The following RBFOX3 variants were observed in gnomAD, a reference collection of about 807,000 sequenced individuals.
RBFOX3 encodes the protein RNA binding protein fox-1 homolog 3.
RBFOX3 carries 17 observed loss-of-function variants against 48.7 expected under a neutral mutation model. The observed-to-expected ratio is 0.35, with a 90% CI of 0.24 to 0.52. RBFOX3 has a LOEUF of 0.52. RBFOX3 is among the 20% of genes least tolerant of loss of function. The pLI, the probability that RBFOX3 is intolerant of heterozygous loss-of-function variation, is 0.94. For missense variants in RBFOX3, 382 were observed against 497.5 expected, an observed-to-expected ratio of 0.77 and a Z score of 2.21; for synonymous variants, 212 against 209.5, an observed-to-expected ratio of 1.01 and a Z score of -0.10.
intron 4 of RBFOX3, among the ~76,000 whole-genome samples, chr17:79,185,078 A>T (rs999502215): frequency 6.6e-6 from 1 of 151,542 alleles, no homozygotes; most frequent in African/African-American, 2.4e-5. Context: ...ACCTGGGACC[A>T]TTCTCTCAGG....
intron 1 of RBFOX3, among the ~76,000 whole-genome samples, chr17:79,544,047 G>T (rs1217952766): frequency 2.6e-5 from 4 of 152,198 alleles, no homozygotes; most frequent in African/African-American, 9.7e-5. Context: ...GGCATTGAGA[G>T]CTCCTTTCCC....
chr17:79,213,843 A>T (rs2058681104), intron 4 of RBFOX3, among the ~76,000 whole-genome samples: 1 of 152,224 alleles, frequency 6.6e-6, no homozygotes. Flanking sequence ...CTGACTTTCC[A>T]GCCGGCCACA....
chr17:79,092,070 A>T, intron 14 of RBFOX3: 1 of 985,494 alleles, frequency 1.0e-6, no homozygotes, highest in Non-Finnish European at 1.2e-6. Context: ...GGGGAGACCC[A>T]CACTGGGTGC....
Position 79,263,445 on chromosome 17 carries a change from C to T in RBFOX3, c.-73-27640G>A, listed in dbSNP as rs9915327. Among the ~76,000 whole-genome samples, 1,446 of 152,316 alleles carry T rather than the reference C, an allele frequency of 9.5e-3. 18 individuals carry two copies. The highest frequency in any genetic ancestry group is 0.033 in the African/African-American group (1,366 of 41,576). On this transcript the variant is annotated intron_variant, in intron 3 of 14. Transcript: ENST00000693108. The stretch of plus-strand genomic sequence containing the variant: ...TTCTGCGGACACAGAGGCCTTCTGC[C>T]CCTGGTCAGGTTTTTACCAGTCGTG...
At chr17:79,557,309 G>C (rs2091850251) in intron 1 of RBFOX3, among the ~76,000 whole-genome samples, 1 of 151,438 alleles carries the variant, frequency 6.6e-6, no homozygotes, top group Non-Finnish European at 1.5e-5. Flanking sequence ...TTCCAATCCA[G>C]GCAGTGTGGC....
At chr17:79,315,914 C>T (rs1037276132) in intron 2 of RBFOX3, among the ~76,000 whole-genome samples, 2 of 152,062 alleles carry the variant, frequency 1.3e-5, no homozygotes, top group African/African-American at 2.4e-5. Flanking sequence ...TCAATAAACA[C>T]GAGATTGGAT....
Position 79,191,995 on chromosome 17 carries a change from G to A in RBFOX3, c.-34+43771C>T, listed in dbSNP as rs913016623. Among the ~76,000 whole-genome samples the A allele has an allele frequency of 2.6e-5, 4 of 152,250 alleles. No individual in the cohort carries two copies. The South Asian group carries it at 8.3e-4, about 32-fold the overall frequency. On this transcript the variant is annotated intron_variant, in intron 4 of 14. Coordinates refer to ENST00000693108, the MANE Select transcript of RBFOX3 (RefSeq NM_001350451.2). ...GTCCCTAAAAGTTGCCCAAGAGCAGGGGAAGTGCCTATCTGGTGGGGGTGT... is the reference window on the plus strand; with the variant it reads ...GTCCCTAAAAGTTGCCCAAGAGCAGAGGAAGTGCCTATCTGGTGGGGGTGT...
intron 2 of RBFOX3, among the ~76,000 whole-genome samples, chr17:79,417,331 G>A (rs1404256213): frequency 1.3e-5 from 2 of 152,196 alleles, no homozygotes; most frequent in Non-Finnish European, 2.9e-5. Context: ...TCTCAGGAAA[G>A]AAGGGGCCTG....
At chr17:79,547,938 G>C (rs945183688) in intron 1 of RBFOX3, among the ~76,000 whole-genome samples, 2 of 152,220 alleles carry the variant, frequency 1.3e-5, no homozygotes, top group African/African-American at 4.8e-5. Context: ...TTCATCTGAT[G>C]GAGGCCCTGC....
chr17:79,121,969 C>T lies in RBFOX3; in HGVS notation c.-33-6221G>A, dbSNP rs192295436. 1.4e-3 allele frequency among the ~76,000 whole-genome samples: 212 copies of T among 152,282 alleles called. 1 individual carries two copies. Among genetic ancestry groups the T allele is most frequent in the African/African-American group, 4.7e-3 (197 of 41,552 alleles). Reference sequence around the variant, plus strand: ...CATCTGATACACTTTGGGGGTTTGACGTGCCCCCAAAGGGACCTCTGACCT... The same window carrying T: ...CATCTGATACACTTTGGGGGTTTGATGTGCCCCCAAAGGGACCTCTGACCT... On this transcript the variant is annotated intron_variant, in intron 4 of 14. Transcript: ENST00000693108.
intron 2 of RBFOX3, among the ~76,000 whole-genome samples, chr17:79,351,279 T>C (rs1250713930): frequency 6.6e-6 from 1 of 152,232 alleles, no homozygotes; most frequent in South Asian, 2.1e-4. Flanking sequence ...TTCCTTGAAG[T>C]GGAAGTGCTG....
At chr17:79,565,320 C>G (rs1162786266) in intron 1 of RBFOX3, among the ~76,000 whole-genome samples, 2 of 150,896 alleles carry the variant, frequency 1.3e-5, no homozygotes, top group Non-Finnish European at 3.0e-5. Context: ...TTTTAAGAAG[C>G]AAACAATACA....
chr17:79,633,533 C>T, the RBFOX3 span, among the ~76,000 whole-genome samples: 4 of 152,180 alleles, frequency 2.6e-5, no homozygotes, highest in African/African-American at 9.6e-5. Flanking sequence ...CTGATCAAAC[C>T]CCAGATGGGC....
At chr17:79,146,906 G>A (rs1179672405) in intron 4 of RBFOX3, among the ~76,000 whole-genome samples, 2 of 152,228 alleles carry the variant, frequency 1.3e-5, no homozygotes. Context: ...CAGGGTGTCT[G>A]GCAGCTCCTT....
intron 2 of RBFOX3, among the ~76,000 whole-genome samples, chr17:79,359,481 G>A (rs2085875460): frequency 1.3e-5 from 2 of 152,194 alleles, no homozygotes; most frequent in African/African-American, 4.8e-5. Flanking sequence ...TTTTGCTGAA[G>A]GTGAGGCATA....
chr17:79,538,031 G>A (rs150177604), intron 1 of RBFOX3, among the ~76,000 whole-genome samples: 96 of 152,276 alleles, frequency 6.3e-4, no homozygotes, highest in African/African-American at 2.1e-3. Flanking sequence ...CAAGGCCTCC[G>A]TACTCAGGAC....
the RBFOX3 span, among the ~76,000 whole-genome samples, chr17:79,622,635 C>T: frequency 6.6e-6 from 1 of 152,204 alleles, no homozygotes; most frequent in African/African-American, 2.4e-5. Flanking sequence ...CTGTGTCCTC[C>T]ACAGCCGTCC....
chr17:79,380,342 T>C (rs965288682), intron 2 of RBFOX3, among the ~76,000 whole-genome samples: 5 of 152,274 alleles, frequency 3.3e-5, no homozygotes, highest in Non-Finnish European at 7.3e-5. Flanking sequence ...ACAAAGTCTT[T>C]TTTAATTTTC....
chr17:79,103,270 A>G lies in RBFOX3; in HGVS notation c.415-16T>C, dbSNP rs1342566397. On this transcript the variant is annotated splice_polypyrimidine_tract_variant and intron_variant, in intron 7 of 14. Transcript: ENST00000693108. The surrounding 1 kb of genome is among the most constrained non-coding windows in gnomAD (Gnocchi z 6.1). ...ACCCAAAACCCTGTGAGCAGAGGAG[A>G]GGGAAGGACAGGCACGGAGAGGAGG... 6 of 1,525,300 alleles carry G rather than the reference A, an allele frequency of 3.9e-6. No individual in the cohort carries two copies. The South Asian group carries it at 7.2e-5, about 18-fold the overall frequency. The allele number at this position is 1,525,300 out of a possible 1,614,324, so 94.5% of individuals were successfully genotyped here.
Sources: gnomAD v4.1 joint callset for allele counts (sites outside exome capture counted in the v4.1 genomes callset) on GRCh38, gnomAD v4.1.1 for gene constraint, Gnocchi (gnomAD v3.1) non-coding constraint, MANE v1.5 for transcripts, NCBI Gene and HGNC (gene_info 2026-07-23, HGNC 2026-07-21) for gene names.